The following UBE2L3 variants were observed in gnomAD, a reference collection of about 807,000 sequenced individuals.
UBE2L3 encodes ubiquitin-conjugating enzyme E2 L3.
A neutral mutation model predicts 17.8 loss-of-function variants in UBE2L3; 1 was observed. The observed-to-expected ratio is 0.06, with a 90% confidence interval of 0.02 to 0.27. The LOEUF (loss-of-function observed/expected upper bound fraction) is 0.27. Among genes scored for constraint, UBE2L3 ranks in the 10% least tolerant of loss-of-function variants. The pLI is 1.00. For synonymous variants in UBE2L3, 44 were observed against 68.5 expected, an observed-to-expected ratio of 0.64 and a Z score of 1.76; for missense variants, 40 against 192.6, an observed-to-expected ratio of 0.21 and a Z score of 4.69.
intron 2 of UBE2L3, among the ~76,000 whole-genome samples, chr22:21,601,451 T>G (rs932801559): frequency 6.6e-6 from 1 of 151,596 alleles, no homozygotes; most frequent in Non-Finnish European, 1.5e-5. Flanking sequence ...TAGCTGGGAT[T>G]ACAGGCGTGT....
rs35054754 is a variant in UBE2L3 at position 21,597,775 on chromosome 22, A to ATTT, written c.123+4849_123+4851dup. Among the ~76,000 whole-genome samples, 14 of 25,600 alleles carry ATTT rather than the reference A, an allele frequency of 5.5e-4. 3 individuals carry two copies. Among genetic ancestry groups the ATTT allele is most frequent in the Admixed American group, 3.1e-3 (4 of 1,300 alleles). The allele number at this position is 25,600 out of a possible 152,430, so 16.8% of individuals were successfully genotyped here. A position where few individuals can be genotyped will look rare whatever the true frequency, so the allele number is the denominator to read the frequency against. On this transcript the variant is annotated intron_variant, in intron 2 of 3. Coordinates refer to ENST00000342192, the MANE Select transcript of UBE2L3 (RefSeq NM_003347.4). ...GGATCTTTGATCCATTTATATGTAG[A>ATTT]TTTTTTTTTTTTTTTTTTTTTTTTT...
Position 21,618,999 on chromosome 22 carries a change from T to G in UBE2L3, c.311-2516T>G, listed in dbSNP as rs527373156. ...CCCTAACGAAGTACTCAGCCTGTCCTTAGCCCAGTGAGGTTTCTAAAATGC... is the reference window on the plus strand; with the variant it reads ...CCCTAACGAAGTACTCAGCCTGTCCGTAGCCCAGTGAGGTTTCTAAAATGC... On this transcript the variant is annotated intron_variant, in intron 3 of 3. Coordinates refer to ENST00000342192, the MANE Select transcript of UBE2L3 (RefSeq NM_003347.4). Among the ~76,000 whole-genome samples the G allele has an allele frequency of 8.5e-5, 13 of 152,308 alleles. No homozygotes were observed. The East Asian group carries it at 2.5e-3, about 29-fold the overall frequency.
At chr22:21,597,964 ATTTT>A (rs35036050) in intron 2 of UBE2L3, among the ~76,000 whole-genome samples, 1 of 115,808 alleles carries the variant, frequency 8.6e-6, no homozygotes. Context: ...TAATTTTTGT[ATTTT>A]TTTTTTTTTT....
At chr22:21,611,197 C>T (rs941535345) in intron 3 of UBE2L3, among the ~76,000 whole-genome samples, 154 bp downstream of exon 3, 1 of 152,156 alleles carries the variant, frequency 6.6e-6, no homozygotes, top group Non-Finnish European at 1.5e-5. Context: ...GGGAATGGCT[C>T]ATCTCAGCTG....
chr22:21,585,474 C>G (rs1465334030), intron 1 of UBE2L3, among the ~76,000 whole-genome samples: 1 of 152,218 alleles, frequency 6.6e-6, no homozygotes, highest in East Asian at 1.9e-4. Flanking sequence ...ACATCTCTCT[C>G]AGCCCACTTC....
intron 1 of UBE2L3, among the ~76,000 whole-genome samples, chr22:21,590,933 A>C: frequency 6.6e-6 from 1 of 152,228 alleles, no homozygotes; most frequent in South Asian, 2.1e-4. Flanking sequence ...TGGCAGGACC[A>C]GGGCTTCCTG....
chr22:21,619,487 G>A (rs931681395), intron 3 of UBE2L3, among the ~76,000 whole-genome samples: 1 of 152,044 alleles, frequency 6.6e-6, no homozygotes, highest in Non-Finnish European at 1.5e-5. Flanking sequence ...TGCCCTCCTC[G>A]CCTCTGCCCC....
intron 2 of UBE2L3, among the ~76,000 whole-genome samples, chr22:21,594,960 T>C (rs1205519993): frequency 6.6e-6 from 1 of 152,250 alleles, no homozygotes; most frequent in Non-Finnish European, 1.5e-5. Flanking sequence ...GAGAATTTAG[T>C]GGCCTGAGAG....
chr22:21,575,946 T>C (rs1927268220), intron 1 of UBE2L3, among the ~76,000 whole-genome samples: 1 of 151,898 alleles, frequency 6.6e-6, no homozygotes, highest in African/African-American at 2.4e-5. Flanking sequence ...TAAAATTGAA[T>C]AGCTCTTGAA....
At chr22:21,607,417 A>C (rs1020587746) in intron 2 of UBE2L3, among the ~76,000 whole-genome samples, 2 of 148,260 alleles carry the variant, frequency 1.3e-5, no homozygotes, top group African/African-American at 5.0e-5. Context: ...TAGGAGGCTG[A>C]GGTGGGAGAA....
intron 2 of UBE2L3, among the ~76,000 whole-genome samples, chr22:21,600,043 G>A (rs1025695743): frequency 6.6e-6 from 1 of 152,234 alleles, no homozygotes. Context: ...CGGGCGCGGT[G>A]GCTCATGCCA....
chr22:21,582,131 CAAAA>C (rs1314032844), intron 1 of UBE2L3, among the ~76,000 whole-genome samples: 1 of 144,622 alleles, frequency 6.9e-6, no homozygotes, highest in Non-Finnish European at 1.5e-5. Flanking sequence ...AAAAAAAAAA[CAAAA>C]AAACAAACAA....
intron 1 of UBE2L3, among the ~76,000 whole-genome samples, chr22:21,583,001 C>T (rs1406343810): frequency 1.3e-5 from 2 of 152,218 alleles, no homozygotes; most frequent in Admixed American, 6.5e-5. Flanking sequence ...AGCCCTTCCC[C>T]TGCCTCTCTG....
At chr22:21,591,137 C>T (rs1928243684) in intron 1 of UBE2L3, among the ~76,000 whole-genome samples, 1 of 152,294 alleles carries the variant, frequency 6.6e-6, no homozygotes, top group Admixed American at 6.5e-5. Flanking sequence ...TCCGTACCTC[C>T]TTATGCAGGG....
At chr22:21,600,356 A>G (rs1928788981) in intron 2 of UBE2L3, among the ~76,000 whole-genome samples, 1 of 151,744 alleles carries the variant, frequency 6.6e-6, no homozygotes, top group African/African-American at 2.4e-5. Context: ...ACTTATTCCT[A>G]CTATTTACTT....
rs566837706 is a variant in UBE2L3 at position 21,573,105 on chromosome 22, A to G, written c.27+5334A>G. ...ATCTAAACTCCTTACTGGTCAGCGC[A>G]CTCTCTGTCCCACACTACTCCTAAC... On this transcript the variant is annotated intron_variant, in intron 1 of 3. Coordinates refer to ENST00000342192, the MANE Select transcript of UBE2L3 (RefSeq NM_003347.4). 2.6e-4 allele frequency among the ~76,000 whole-genome samples: 40 copies of G among 152,026 alleles called. No individual in the cohort carries two copies. The South Asian group carries it at 5.4e-3, about 21-fold the overall frequency.
rs140195992 is a variant in UBE2L3 at position 21,612,624 on chromosome 22, C to T, written c.310+1581C>T. ...ACAGGCGTAAGCCACCGCACCCAGC[C>T]GATTTTTTCTTTTCTTTTCTTTTTT... On this transcript the variant is annotated intron_variant, in intron 3 of 3. Transcript: ENST00000342192. 0.013 allele frequency among the ~76,000 whole-genome samples: 1,698 copies of T among 130,646 alleles called. 92 individuals carry two copies. The South Asian group carries it at 0.14, about 11-fold the overall frequency. The allele number at this position is 130,646 out of a possible 152,430, so 85.7% of individuals were successfully genotyped here. A position where few individuals can be genotyped will look rare whatever the true frequency, so the allele number is the denominator to read the frequency against.
chr22:21,575,412 TAAAA>T (rs547379857), intron 1 of UBE2L3, among the ~76,000 whole-genome samples: 6 of 101,738 alleles, frequency 5.9e-5, no homozygotes, highest in East Asian at 3.1e-4. Flanking sequence ...CCATCTCTAC[TAAAA>T]AAAAAAAAAA....
At chr22:21,585,412 G>A (rs1927881002) in intron 1 of UBE2L3, among the ~76,000 whole-genome samples, 1 of 152,162 alleles carries the variant, frequency 6.6e-6, no homozygotes, top group Non-Finnish European at 1.5e-5. Flanking sequence ...ATCCTTAGAG[G>A]TTTGGTCTTT....
Sources: gnomAD v4.1 joint callset for allele counts (sites outside exome capture counted in the v4.1 genomes callset) on GRCh38, gnomAD v4.1.1 for gene constraint, MANE v1.5 for transcripts, NCBI Gene and HGNC (gene_info 2026-07-23, HGNC 2026-07-21) for gene names.